The following PDZRN4 variants were observed in gnomAD, a reference collection of about 807,000 sequenced individuals.
The protein encoded by PDZRN4 is PDZ domain-containing RING finger protein 4.
PDZRN4 carries 70 observed loss-of-function variants against 99.0 expected under a neutral mutation model. The ratio of observed to expected loss-of-function variants is 0.71; its 90% confidence interval spans 0.58 to 0.86. PDZRN4 has a LOEUF of 0.86. PDZRN4 is among the 40% of genes least tolerant of loss of function. The pLI is 0.00. For synonymous variants in PDZRN4, 551 were observed against 501.6 expected (o/e 1.10, Z -1.32); for missense variants, 1,474 against 1,331.2 (o/e 1.11, Z -1.67).
intron 3 of PDZRN4, among the ~76,000 whole-genome samples, chr12:41,194,495 G>T (rs1950759120): frequency 6.6e-6 from 1 of 152,014 alleles, no homozygotes; most frequent in Non-Finnish European, 1.5e-5. Flanking sequence ...AAAAAAATTA[G>T]CTGGGCATGG....
At chr12:41,233,098 A>G (rs1192088611) in intron 3 of PDZRN4, among the ~76,000 whole-genome samples, 1 of 152,106 alleles carries the variant, frequency 6.6e-6, no homozygotes, top group East Asian at 1.9e-4. Context: ...GAAAATAAAA[A>G]AACAAACAAC....
chr12:41,573,284 C>T lies in PDZRN4; in HGVS notation c.2505C>T (p.Ser835=). The change falls in exon 10 of 10, where the codon AGC becomes AGT. Residue 835 remains serine (S), a synonymous_variant. Coordinates refer to ENST00000402685, the MANE Select transcript of PDZRN4 (RefSeq NM_001164595.2). Reference sequence around the variant, plus strand: ...TCCCTTACCTCTCTCCTTACCACAGCTCCTCATATAGATATGCAAACATCC... The same window carrying T: ...TCCCTTACCTCTCTCCTTACCACAGTTCCTCATATAGATATGCAAACATCC... ...EHIPYLSPYH[S]SSYRYANIPA... The T allele has an allele frequency of 6.2e-7, 1 of 1,613,710 alleles. No homozygotes were observed. The highest frequency in any genetic ancestry group is 8.5e-7 in the Non-Finnish European group (1 of 1,180,014).
intron 3 of PDZRN4, among the ~76,000 whole-genome samples, chr12:41,371,912 A>G (rs1483881650): frequency 1.3e-5 from 2 of 152,138 alleles, no homozygotes; most frequent in Non-Finnish European, 2.9e-5. Flanking sequence ...GCAGCAGGTC[A>G]TCCAAATCTG....
rs752510950 is a variant in PDZRN4 at position 41,563,201 on chromosome 12, C to A, written c.1366-347C>A. Among the ~76,000 whole-genome samples, 8 of 152,250 alleles carry A rather than the reference C, an allele frequency of 5.3e-5. 1 individual carries two copies. The highest frequency in any genetic ancestry group is 7.4e-5 in the Non-Finnish European group (5 of 68,014). On this transcript the variant is annotated intron_variant, in intron 7 of 9. Transcript: ENST00000402685. ...GTATTGCCAGTCCTTCTTCCCCCAG[C>A]ACTATTATCTCAGAGTGACACTTCC...
rs1052521706 is a variant in PDZRN4 at position 41,216,500 on chromosome 12, G to C, written c.843+22312G>C. Reference sequence around the variant, plus strand: ...AGAAATCATTCCTAAAACAATTTTAGCTGTAAAACTTTGATACTTAAAACC... The same window carrying C: ...AGAAATCATTCCTAAAACAATTTTACCTGTAAAACTTTGATACTTAAAACC... On this transcript the variant is annotated intron_variant, in intron 3 of 9. Transcript: ENST00000402685. 9.9e-5 allele frequency among the ~76,000 whole-genome samples: 15 copies of C among 152,056 alleles called. No homozygotes were observed. The East Asian group carries it at 2.1e-3, about 22-fold the overall frequency.
intron 3 of PDZRN4, among the ~76,000 whole-genome samples, chr12:41,296,455 A>AGG (rs1400353607): frequency 3.9e-5 from 6 of 152,174 alleles, no homozygotes; most frequent in Non-Finnish European, 7.3e-5. Flanking sequence ...TTATAAAGGT[A>AGG]CTTTGAGAAA....
intron 3 of PDZRN4, among the ~76,000 whole-genome samples, chr12:41,227,669 A>G (rs189064759): frequency 3.9e-4 from 59 of 151,902 alleles, no homozygotes; most frequent in African/African-American, 1.4e-3. Flanking sequence ...TCTCTCAACA[A>G]TAACAACAAC....
rs554056351 is a variant in PDZRN4, at chr12:41,251,971, G to A, written c.843+57783G>A. Among the ~76,000 whole-genome samples the A allele has an allele frequency of 5.9e-5, 9 of 152,056 alleles. No homozygotes were observed. The South Asian group carries it at 1.0e-3, about 18-fold the overall frequency. On this transcript the variant is annotated intron_variant, in intron 3 of 9. Transcript: ENST00000402685. ...TCTCTACAAAAAATACAAAAATTAG[G>A]TGGGCATGGTAGTATGTGCCTGTAG... is the stretch of plus-strand genomic sequence containing the variant.
At chr12:41,450,115 T>C (rs1454566936) in intron 3 of PDZRN4, among the ~76,000 whole-genome samples, 1 of 152,184 alleles carries the variant, frequency 6.6e-6, no homozygotes, top group African/African-American at 2.4e-5. Flanking sequence ...ATGAGAATCA[T>C]TTTTAAAACT....
intron 3 of PDZRN4, among the ~76,000 whole-genome samples, chr12:41,451,754 G>T (rs1224219966): frequency 6.6e-6 from 1 of 152,128 alleles, no homozygotes; most frequent in Non-Finnish European, 1.5e-5. Flanking sequence ...ATGATCACCA[G>T]GTCCCCTCTG....
intron 3 of PDZRN4, among the ~76,000 whole-genome samples, chr12:41,268,319 G>C (rs1007382104): frequency 3.9e-5 from 6 of 152,184 alleles, no homozygotes; most frequent in Admixed American, 6.5e-5. Flanking sequence ...AAAATTTACA[G>C]TCCTTCATAT....
At chr12:41,256,509 T>A (rs1187067494) in intron 3 of PDZRN4, among the ~76,000 whole-genome samples, 3 of 152,174 alleles carry the variant, frequency 2.0e-5, no homozygotes, top group Non-Finnish European at 4.4e-5. Context: ...GATCCCCCTA[T>A]ACACAAGCCA....
At chr12:41,513,535 A>C (rs1300625748) in intron 5 of PDZRN4, among the ~76,000 whole-genome samples, 1 of 152,134 alleles carries the variant, frequency 6.6e-6, no homozygotes, top group Non-Finnish European at 1.5e-5. Flanking sequence ...AAACATATAC[A>C]AATTTAACAA....
intron 5 of PDZRN4, among the ~76,000 whole-genome samples, chr12:41,537,987 A>G (rs1938778257): frequency 6.6e-6 from 1 of 152,182 alleles, no homozygotes; most frequent in Non-Finnish European, 1.5e-5. Context: ...TGAATCAATC[A>G]AATTCCACTG....
At chr12:41,196,029 T>C (rs1950769558) in intron 3 of PDZRN4, among the ~76,000 whole-genome samples, 1 of 152,152 alleles carries the variant, frequency 6.6e-6, no homozygotes, top group Non-Finnish European at 1.5e-5. Context: ...TTATGTATGC[T>C]TCATTAATGT....
intron 3 of PDZRN4, among the ~76,000 whole-genome samples, chr12:41,234,066 G>C (rs951823335): frequency 6.6e-6 from 1 of 151,818 alleles, no homozygotes; most frequent in Non-Finnish European, 1.5e-5. Flanking sequence ...TGAATTTATT[G>C]CTCCTTGATT....
chr12:41,302,077 T>G (rs919077750), intron 3 of PDZRN4, among the ~76,000 whole-genome samples: 1 of 152,110 alleles, frequency 6.6e-6, no homozygotes, highest in African/African-American at 2.4e-5. Flanking sequence ...TATGTGTGTA[T>G]GCTTGTGTGT....
chr12:41,291,527 ATAT>A (rs1318098595), intron 3 of PDZRN4, among the ~76,000 whole-genome samples: 30 of 152,308 alleles, frequency 2.0e-4, no homozygotes, highest in Middle Eastern at 3.4e-3. Context: ...TACTCAATAA[ATAT>A]TATTATTCTT....
At chr12:41,572,311 A>C in intron 9 of PDZRN4, 53 bp from the exon 10 acceptor site, 2 of 1,461,394 alleles carry the variant, frequency 1.4e-6, no homozygotes, top group Non-Finnish European at 1.9e-6. Context: ...TTTAATAACA[A>C]ATGTCTTCCA....
Sources: gnomAD v4.1 joint callset for allele counts (sites outside exome capture counted in the v4.1 genomes callset) on GRCh38, gnomAD v4.1.1 for gene constraint, MANE v1.5 for transcripts, NCBI Gene and HGNC (gene_info 2026-07-23, HGNC 2026-07-21) for gene names.